Variants in MAGI1 observed in about 807,000 individuals in gnomAD.
The protein encoded by MAGI1 is membrane associated guanylate kinase, WW and PDZ domain containing 1, also known as membrane-associated guanylate kinase, WW and PDZ domain-containing protein 1.
MAGI1 carries 58 observed loss-of-function variants against 139.9 expected under a neutral mutation model. That is an observed-to-expected ratio of 0.41 (90% CI 0.34 to 0.52). The LOEUF is 0.52. MAGI1 is among the 20% of genes least tolerant of loss of function. MAGI1 has a pLI of 0.12. For synonymous variants in MAGI1, 812 were observed against 737.9 expected (o/e 1.10, Z -1.63); for missense variants, 1,874 against 1,901.6 (o/e 0.99, Z 0.27).
At chr3:65,372,067 A>T (rs967259417) in intron 18 of MAGI1, among the ~76,000 whole-genome samples, 15 of 152,082 alleles carry the variant, frequency 9.9e-5, no homozygotes, top group Non-Finnish European at 7.4e-5. Flanking sequence ...AGAAGGGTGA[A>T]TTTTTTTCCA....
intron 12 of MAGI1, among the ~76,000 whole-genome samples, chr3:65,404,565 C>T (rs1040778350): frequency 2.6e-5 from 4 of 152,212 alleles, no homozygotes; most frequent in Admixed American, 2.0e-4. Flanking sequence ...CACTTGATTG[C>T]TTTTTAAAAA....
At chr3:65,912,366 A>T (rs2108679715) in intron 1 of MAGI1, among the ~76,000 whole-genome samples, 1 of 152,286 alleles carries the variant, frequency 6.6e-6, no homozygotes, top group African/African-American at 2.4e-5. Context: ...CAGGCTGAAA[A>T]ACTGGAAGAG....
At chr3:65,468,947 C>CAATATATA (rs1553648866) in intron 5 of MAGI1, among the ~76,000 whole-genome samples, 3 of 134,714 alleles carry the variant, frequency 2.2e-5, no homozygotes, top group Non-Finnish European at 4.7e-5. Context: ...GGAAGGGAAA[C>CAATATATA]AATAAATAAA....
chr3:65,481,974 G>T lies in MAGI1; in HGVS notation c.551-3176C>A, dbSNP rs1448225895. Among the ~76,000 whole-genome samples, 4 of 152,310 alleles carry T rather than the reference G, an allele frequency of 2.6e-5. No individual in the cohort carries two copies. The East Asian group carries it at 7.7e-4, about 29-fold the overall frequency. Reference sequence around the variant, plus strand: ...GAAAATTAGTTTAACATTGAATGGAGGCAGATAAAGTAGATAATATTAGAT... The same window carrying T: ...GAAAATTAGTTTAACATTGAATGGATGCAGATAAAGTAGATAATATTAGAT... On this transcript the variant is annotated intron_variant, in intron 3 of 22. Coordinates refer to ENST00000402939, the MANE Select transcript of MAGI1 (RefSeq NM_001033057.2).
chr3:65,389,337 G>C (rs1285840466), intron 14 of MAGI1, among the ~76,000 whole-genome samples: 3 of 152,034 alleles, frequency 2.0e-5, no homozygotes, highest in Admixed American at 2.0e-4. Flanking sequence ...TCTATTAAAC[G>C]GATGTTTTAC....
chr3:65,641,796 G>A (rs919539987), intron 1 of MAGI1, among the ~76,000 whole-genome samples: 36 of 152,168 alleles, frequency 2.4e-4, no homozygotes, highest in African/African-American at 8.7e-4. Flanking sequence ...AAAAGAATCA[G>A]GAGACTCCAA....
At chr3:65,750,658 T>C (rs1215657936) in intron 1 of MAGI1, among the ~76,000 whole-genome samples, 1 of 152,188 alleles carries the variant, frequency 6.6e-6, no homozygotes, top group Non-Finnish European at 1.5e-5. Flanking sequence ...TTCCCTCACC[T>C]GAGGTAAAAT....
At chr3:65,590,041 T>C (rs764469188) in intron 2 of MAGI1, among the ~76,000 whole-genome samples, 1 of 152,152 alleles carries the variant, frequency 6.6e-6, no homozygotes, top group African/African-American at 2.4e-5. Context: ...GATATACACA[T>C]GGTTGCGTCC....
intron 1 of MAGI1, among the ~76,000 whole-genome samples, chr3:65,754,130 T>C (rs2036376887): frequency 6.6e-6 from 1 of 152,166 alleles, no homozygotes; most frequent in South Asian, 2.1e-4. Context: ...ATGATAGATA[T>C]TGCTAAAATA....
chr3:65,985,314 A>C (rs2065824421), intron 1 of MAGI1, among the ~76,000 whole-genome samples: 1 of 152,240 alleles, frequency 6.6e-6, no homozygotes, highest in Non-Finnish European at 1.5e-5. Context: ...TCATGAATTT[A>C]ATCTCTTATG....
intron 1 of MAGI1, among the ~76,000 whole-genome samples, chr3:65,890,154 G>A (rs1280657873): frequency 6.6e-6 from 1 of 152,094 alleles, no homozygotes; most frequent in Non-Finnish European, 1.5e-5. Flanking sequence ...CACGAGGTCA[G>A]GAGATCGAGA....
chr3:65,582,223 G>A (rs536050555), intron 2 of MAGI1, among the ~76,000 whole-genome samples: 11 of 152,286 alleles, frequency 7.2e-5, no homozygotes, highest in East Asian at 3.9e-4. Context: ...AACAGTACAT[G>A]GCATAGAGAA....
At chr3:65,398,631 G>A (rs1444634105) in intron 13 of MAGI1, among the ~76,000 whole-genome samples, 1 of 152,180 alleles carries the variant, frequency 6.6e-6, no homozygotes, top group Non-Finnish European at 1.5e-5. Flanking sequence ...CATCCTTGTG[G>A]GTGATTTAGA....
At chr3:65,839,830 T>A (rs1164071337) in intron 1 of MAGI1, among the ~76,000 whole-genome samples, 1 of 152,178 alleles carries the variant, frequency 6.6e-6, no homozygotes, top group Non-Finnish European at 1.5e-5. Flanking sequence ...CTGAGAGACA[T>A]TACTTGCAAA....
At chr3:65,955,864 T>A (rs1049726155) in intron 1 of MAGI1, among the ~76,000 whole-genome samples, 6 of 152,012 alleles carry the variant, frequency 3.9e-5, no homozygotes, top group African/African-American at 1.4e-4. Flanking sequence ...GCCAGAGTGT[T>A]CTGTTTGTTT....
chr3:65,781,123 G>A (rs2038895659), intron 1 of MAGI1, among the ~76,000 whole-genome samples: 1 of 151,996 alleles, frequency 6.6e-6, no homozygotes, highest in Non-Finnish European at 1.5e-5. Context: ...TGGAATCTGG[G>A]AGGCGGAGGC....
At chr3:65,806,516 C>A (rs1356960906) in intron 1 of MAGI1, among the ~76,000 whole-genome samples, 1 of 152,192 alleles carries the variant, frequency 6.6e-6, no homozygotes, top group African/African-American at 2.4e-5. Flanking sequence ...CTGTACCTCA[C>A]TTCCGTTTTC....
intron 1 of MAGI1, among the ~76,000 whole-genome samples, chr3:66,036,790 T>C (rs2068945462): frequency 1.3e-5 from 2 of 152,174 alleles, no homozygotes; most frequent in African/African-American, 4.8e-5. Context: ...ACTTCACGAC[T>C]TCCTTCGGTG....
intron 1 of MAGI1, among the ~76,000 whole-genome samples, chr3:65,659,617 C>A (rs531117270): frequency 6.6e-6 from 1 of 152,342 alleles, no homozygotes; most frequent in African/African-American, 2.4e-5. Flanking sequence ...ATGGAAACCG[C>A]AAACCCCACG....
Sources: gnomAD v4.1 joint callset for allele counts (sites outside exome capture counted in the v4.1 genomes callset) on GRCh38, gnomAD v4.1.1 for gene constraint, MANE v1.5 for transcripts, NCBI Gene and HGNC (gene_info 2026-07-23, HGNC 2026-07-21) for gene names.